Variants in PAXIP1 observed in about 807,000 individuals in gnomAD.
The protein encoded by PAXIP1 is PAX-interacting protein 1.
PAXIP1 carries 19 observed loss-of-function variants against 140.6 expected under a neutral mutation model. The observed-to-expected ratio is 0.14, with a 90% CI of 0.09 to 0.20. The LOEUF is 0.20. Among genes scored for constraint, PAXIP1 ranks in the 10% least tolerant of loss-of-function variants. The pLI is 1.00. For synonymous variants in PAXIP1, 442 were observed against 444.6 expected (o/e 0.99, Z 0.07); for missense variants, 920 against 1,208.6 (o/e 0.76, Z 3.54).
intron 6 of PAXIP1, among the ~76,000 whole-genome samples, chr7:154,970,030 G>A (rs952724821): frequency 7.9e-5 from 12 of 152,134 alleles, no homozygotes; most frequent in Non-Finnish European, 1.5e-4. Flanking sequence ...GGAGAAGGAC[G>A]GTGACCAGCA....
chr7:154,991,420 T>C (rs893012573), intron 3 of PAXIP1, among the ~76,000 whole-genome samples: 5 of 146,852 alleles, frequency 3.4e-5, no homozygotes, highest in Non-Finnish European at 6.1e-5. Flanking sequence ...ACAAATGGCA[T>C]AGCAGTTATT....
intron 2 of PAXIP1, among the ~76,000 whole-genome samples, chr7:154,995,655 G>T (rs188997345): frequency 3.9e-4 from 59 of 152,294 alleles, no homozygotes; most frequent in Middle Eastern, 3.4e-3. Flanking sequence ...TTCGAGACCA[G>T]CCTGGCCAAC....
chr7:154,968,941 C>A lies in PAXIP1; in HGVS notation c.1260G>T (p.Gln420His). The change falls in exon 7 of 21, where the codon CAG (glutamine) becomes CAT (histidine). Residue 420 changes from glutamine (Q) to histidine (H), a missense_variant. Gln to His is a conservative substitution (Grantham distance 24). Around this residue, in one of 5 missense-constraint regions of PAXIP1, gnomAD observed 419 missense variants for 514.7 expected, o/e 0.81. Transcript: ENST00000404141. The stretch of plus-strand genomic sequence containing the variant: ...GCTGGAGCTGCATTATCTGCTGGGG[C>A]TGAAGGTGTAAAACCGGGTGCTGCT... ...QQQQHPVLHL[Q>H]PQQIMQLQQQ... is the part of the protein sequence containing the mutation. The A allele has an allele frequency of 6.8e-7, 1 of 1,478,198 alleles. No individual in the cohort carries two copies. Among genetic ancestry groups the A allele is most frequent in the Non-Finnish European group, 9.2e-7 (1 of 1,083,128 alleles). 91.6% of individuals were successfully genotyped at this position (1,478,198 alleles called of 1,614,324 possible). A position where few individuals can be genotyped will look rare whatever the true frequency, so the allele number is the denominator to read the frequency against.
intron 20 of PAXIP1, chr7:154,945,407 A>T: frequency 3.2e-6 from 1 of 310,832 alleles, no homozygotes; most frequent in Non-Finnish European, 4.7e-6. Flanking sequence ...GATGAATGTC[A>T]GTGTATTTAA....
At chr7:154,990,615 A>G (rs965614793) in intron 4 of PAXIP1, among the ~76,000 whole-genome samples, 3 of 152,164 alleles carry the variant, frequency 2.0e-5, no homozygotes, top group African/African-American at 7.2e-5. Flanking sequence ...TCCTCTTTAT[A>G]GATTCTAAAT....
chr7:155,002,384 G>A (rs1055136312), intron 1 of PAXIP1, among the ~76,000 whole-genome samples: 1 of 152,100 alleles, frequency 6.6e-6, no homozygotes, highest in African/African-American at 2.4e-5. Context: ...CACGACCCCC[G>A]CCGGCCGAGC....
Position 154,966,891 on chromosome 7 carries a change from G to A in PAXIP1, c.1893+925C>T, listed in dbSNP as rs144570021. Among the ~76,000 whole-genome samples the A allele has an allele frequency of 4.9e-3, 750 of 152,292 alleles. 4 individuals carry two copies. Among genetic ancestry groups the A allele is most frequent in the Admixed American group, 8.3e-3 (127 of 15,300 alleles). ...ACCCCTGCCTCGTGGATCCCACTGA[G>A]GCACCCTCCTTTGCACCCTCCTGTC... On this transcript the variant is annotated intron_variant, in intron 8 of 20. Transcript: ENST00000404141.
chr7:154,954,262 C>G lies in PAXIP1; in HGVS notation c.2814G>C (p.Lys938Asn), dbSNP rs565982102. The G allele has an allele frequency of 7.2e-6, 11 of 1,538,418 alleles. No homozygotes were observed. The South Asian group carries it at 1.3e-4, about 19-fold the overall frequency. ...EWLEECFRCQ[K>N]FIDEQNYILR... is the part of the protein sequence containing the mutation. ...ACTGGCGCTGCTCCTTACCAATGAACTTCTGACACCTGAAGCATTCTTCCA... is the reference window on the plus strand; with the variant it reads ...ACTGGCGCTGCTCCTTACCAATGAAGTTCTGACACCTGAAGCATTCTTCCA... Residue 938 changes from lysine to asparagine, a missense_variant, in exon 16 of 21, where the codon AAG becomes AAC. By Grantham distance (94) the Lys-to-Asn change is moderately conservative (BLOSUM62 0). Coordinates refer to ENST00000404141, the MANE Select transcript of PAXIP1 (RefSeq NM_007349.4). This position sits in a 1 kb window ranked among gnomAD's most constrained non-coding sequence, Gnocchi z 5.1.
chr7:154,964,431 C>T (rs1808909157), intron 8 of PAXIP1: 1 of 152,078 alleles, frequency 6.6e-6, no homozygotes. Context: ...AAGACCTGCC[C>T]CCTAAGAAAA....
Position 154,983,283 on chromosome 7 carries a change from C to A in PAXIP1, c.374G>T (p.Gly125Val). 6.2e-7 allele frequency: 1 copy of A among 1,612,764 alleles called. No homozygotes were observed. The highest frequency in any genetic ancestry group is 8.5e-7 in the Non-Finnish European group (1 of 1,179,232). The change falls in exon 5 of 21, where the codon GGG becomes GTG. Residue 125 changes from glycine to valine, a missense_variant. By Grantham distance (109) the Gly-to-Val change is moderately radical. Coordinates refer to ENST00000404141, the MANE Select transcript of PAXIP1 (RefSeq NM_007349.4). ...ATTGAGGGTTAGCTGGCAATCTCCC[C>A]CATAGAACGTAACCAAAGCCCACAG... is the stretch of plus-strand genomic sequence containing the variant. The part of the protein sequence containing the change: ...SALWALVTFY[G>V]GDCQLTLNKK...
Position 154,963,568 on chromosome 7 carries a change from T to C in PAXIP1, c.1989+103A>G, listed in dbSNP as rs891476831. The C allele has an allele frequency of 2.7e-6, 2 of 732,154 alleles. No homozygotes were observed. The highest frequency in any genetic ancestry group is 3.5e-5 in the African/African-American group (2 of 57,116). The allele number at this position is 732,154 out of a possible 1,614,324, so 45.4% of individuals were successfully genotyped here. A position where few individuals can be genotyped will look rare whatever the true frequency, so the allele number is the denominator to read the frequency against. On this transcript the variant is annotated intron_variant, in intron 9 of 20. Transcript: ENST00000404141. This position sits in a 1 kb window ranked among gnomAD's most constrained non-coding sequence, Gnocchi z 4.1. ...GAAGGAATTTTCCTATCTTTAGAGG[T>C]AGAAAAAAGTTCTTTCCAAAAATAA...
At position 154,975,876 on chromosome 7, in the gene PAXIP1, G is replaced by T; in HGVS notation, c.894C>A (p.Pro298=). The T allele has an allele frequency of 6.2e-7, 1 of 1,613,996 alleles. No homozygotes were observed. The highest frequency in any genetic ancestry group is 8.5e-7 in the Non-Finnish European group (1 of 1,179,900). ...CAGGGGGCAAAATGTTACCTGGGAC[G>T]GGTGGGACATTGGCACACAAGTTAA... is the stretch of plus-strand genomic sequence containing the variant. ...GLINLCANVP[P]VPGNILPPEV... The change falls in exon 6 of 21, where the codon CCC becomes CCA. Residue 298 remains proline, a synonymous_variant. Transcript: ENST00000404141.
intron 16 of PAXIP1, chr7:154,952,333 C>T (rs1318122165): frequency 2.0e-5 from 3 of 152,158 alleles, no homozygotes; most frequent in Admixed American, 6.5e-5. Context: ...ATTCAGTCAC[C>T]CACATGAACG....
intron 6 of PAXIP1, among the ~76,000 whole-genome samples, chr7:154,971,221 C>T (rs150791572): frequency 1.1e-4 from 17 of 152,336 alleles, no homozygotes; most frequent in Non-Finnish European, 5.9e-5. Flanking sequence ...GTTTCTACTA[C>T]GGGCTTGAGT....
chr7:154,968,493 G>A lies in PAXIP1; in HGVS notation c.1708C>T (p.Pro570Ser). 9.6e-7 allele frequency: 1 copy of A among 1,043,558 alleles called. No individual in the cohort carries two copies. The highest frequency in any genetic ancestry group is 1.5e-6 in the Non-Finnish European group (1 of 682,874). The allele number at this position is 1,043,558 out of a possible 1,614,324, so 64.6% of individuals were successfully genotyped here. Residue 570 changes from proline (P) to serine (S), a missense_variant, in exon 7 of 21, where the codon CCT becomes TCT. This residue lies in a region of PAXIP1 where 133 missense variants were observed against 88.4 expected (regional missense o/e 1.50). Coordinates refer to ENST00000404141, the MANE Select transcript of PAXIP1 (RefSeq NM_007349.4). ...TGCTGCTGCTGCGGGGGCTGCTGAG[G>A]TGGAACCTGATGCTGCAGCGCCTGT... ...TSQALQHQVP[P>S]QQPPQQQQQQ... is the part of the protein sequence containing the mutation.
intron 1 of PAXIP1, among the ~76,000 whole-genome samples, chr7:155,002,305 G>C (rs974470855): frequency 1.3e-5 from 2 of 152,206 alleles, no homozygotes; most frequent in Non-Finnish European, 2.9e-5. Flanking sequence ...GGCTGGAAGG[G>C]AGCGCTCCTC....
chr7:154,998,548 G>A (rs1810746452), intron 2 of PAXIP1, 102 bp downstream of exon 2: 1 of 632,178 alleles, frequency 1.6e-6, no homozygotes, highest in African/African-American at 1.9e-5. Flanking sequence ...AAATAAAACA[G>A]GACTTTAGCA....
intron 14 of PAXIP1, 79 bp downstream of exon 14, chr7:154,957,145 A>G: frequency 1.4e-6 from 1 of 717,158 alleles, no homozygotes; most frequent in South Asian, 1.8e-5. Flanking sequence ...CATTTTAGAA[A>G]CTTTCCTCAA....
chr7:154,948,192 GACA>G, intron 16 of PAXIP1, 189 bp from the exon 17 acceptor site: 2 of 571,264 alleles, frequency 3.5e-6, no homozygotes, highest in Non-Finnish European at 6.3e-6. Context: ...AGACCAAAAA[GACA>G]GACAGGTATT....
Sources: allele counts gnomAD v4.1 joint callset (sites outside exome capture counted in the v4.1 genomes callset), GRCh38; gene constraint gnomAD v4.1.1; regional missense constraint gnomAD v4.1.1; non-coding constraint Gnocchi (gnomAD v3.1); transcripts MANE v1.5; gene names NCBI Gene and HGNC (gene_info 2026-07-23, HGNC 2026-07-21).